Variants in NAV3 observed in about 807,000 individuals in gnomAD.
The protein encoded by NAV3 is neuron navigator 3, also known as pore membrane and/or filament interacting like protein 1.
A neutral mutation model predicts 244.7 loss-of-function variants in NAV3; 87 were observed. That is an observed-to-expected ratio of 0.36 (90% CI 0.30 to 0.42). NAV3 has a LOEUF of 0.42. Ranked by LOEUF, NAV3 falls within the 20% of genes least tolerant of loss-of-function variation. The pLI is 1.00. For synonymous variants in NAV3, 1,126 were observed against 1,042.2 expected (o/e 1.08, Z -1.55); for missense variants, 2,663 against 2,893.3 (o/e 0.92, Z 1.83).
At chr12:77,782,560 C>T (rs934069292) in intron 2 of NAV3, among the ~76,000 whole-genome samples, 11 of 150,260 alleles carry the variant, frequency 7.3e-5, no homozygotes, top group South Asian at 2.1e-4. Context: ...CTGGGGAGAA[C>T]TTGGATTCCC....
chr12:78,077,907 C>G (rs1222436910), intron 12 of NAV3, among the ~76,000 whole-genome samples: 1 of 152,118 alleles, frequency 6.6e-6, no homozygotes, highest in East Asian at 1.9e-4. Flanking sequence ...CTTTGCACTC[C>G]CAGCCTGGGC....
intron 2 of NAV3, among the ~76,000 whole-genome samples, chr12:77,612,746 G>A (rs2136826541): frequency 6.6e-6 from 1 of 152,192 alleles, no homozygotes; most frequent in East Asian, 1.9e-4. Context: ...AACCCCTTCA[G>A]TAAGAAAAGT....
chr12:77,585,786 G>A (rs75090916), intron 2 of NAV3, among the ~76,000 whole-genome samples: 1,819 of 152,182 alleles, frequency 0.012, 38 homozygotes, highest in African/African-American at 0.042. Flanking sequence ...CCAGCCTGGG[G>A]GTTGGGCACC....
chr12:77,755,181 G>A (rs1224735895), intron 2 of NAV3, among the ~76,000 whole-genome samples: 1 of 151,660 alleles, frequency 6.6e-6, no homozygotes. Context: ...AACCACTTAT[G>A]CTTACTGTTT....
intron 2 of NAV3, among the ~76,000 whole-genome samples, chr12:77,684,204 A>G (rs1175923609): frequency 6.6e-6 from 1 of 152,158 alleles, no homozygotes; most frequent in Non-Finnish European, 1.5e-5. Context: ...GCATGTTTTT[A>G]TGTGTTTATT....
intron 2 of NAV3, among the ~76,000 whole-genome samples, chr12:77,743,774 A>G (rs1034037658): frequency 1.3e-5 from 2 of 151,894 alleles, no homozygotes; most frequent in Non-Finnish European, 2.9e-5. Context: ...TATCTTATAA[A>G]TAAGAATAGG....
chr12:77,613,996 A>T (rs540603747), intron 2 of NAV3, among the ~76,000 whole-genome samples: 1 of 151,614 alleles, frequency 6.6e-6, no homozygotes, highest in East Asian at 1.9e-4. Context: ...GTCTTTCAAC[A>T]CATATGGATG....
chr12:78,078,553 G>A (rs1022567778), intron 12 of NAV3, among the ~76,000 whole-genome samples: 1 of 151,104 alleles, frequency 6.6e-6, no homozygotes, highest in African/African-American at 2.4e-5. Flanking sequence ...CCGCCACTAC[G>A]CCCGGCTAAT....
At chr12:78,192,533 G>A (rs1223211978) in intron 34 of NAV3, among the ~76,000 whole-genome samples, 1 of 151,778 alleles carries the variant, frequency 6.6e-6, no homozygotes, top group East Asian at 1.9e-4. Flanking sequence ...AGCCTCCTGA[G>A]TAGCTGAGAC....
chr12:77,995,931 C>G (rs887731843), intron 6 of NAV3, among the ~76,000 whole-genome samples: 1 of 152,060 alleles, frequency 6.6e-6, no homozygotes. Context: ...TCTCTCCTCT[C>G]TGCTTCATCT....
intron 2 of NAV3, among the ~76,000 whole-genome samples, chr12:77,696,095 C>T (rs1033836773): frequency 4.6e-5 from 7 of 152,094 alleles, no homozygotes; most frequent in Non-Finnish European, 1.0e-4. Context: ...CTAATTCAAT[C>T]ACACTGAGAT....
intron 2 of NAV3, among the ~76,000 whole-genome samples, chr12:77,576,485 C>G (rs1416000183): frequency 1.3e-5 from 2 of 152,120 alleles, no homozygotes; most frequent in Non-Finnish European, 2.9e-5. Context: ...CTGGAAACAT[C>G]ACCCACTTAC....
intron 2 of NAV3, among the ~76,000 whole-genome samples, chr12:77,659,094 C>T (rs1268390914): frequency 6.6e-6 from 1 of 151,660 alleles, no homozygotes; most frequent in Non-Finnish European, 1.5e-5. Context: ...GCAACAAAAG[C>T]CAAAATTGAC....
intron 3 of NAV3, among the ~76,000 whole-genome samples, chr12:77,960,357 TA>T (rs1891773920): frequency 6.6e-6 from 1 of 151,770 alleles, no homozygotes; most frequent in Non-Finnish European, 1.5e-5. Flanking sequence ...ATAGATCACC[TA>T]AGTCATACAT....
At chr12:78,097,739 A>G (rs2138149586) in intron 12 of NAV3, among the ~76,000 whole-genome samples, 1 of 152,302 alleles carries the variant, frequency 6.6e-6, no homozygotes, top group South Asian at 2.1e-4. Context: ...TTCAAGTAAG[A>G]TAAAACAGAA....
chr12:78,112,195 A>G (rs1955129780), intron 12 of NAV3, among the ~76,000 whole-genome samples: 1 of 152,212 alleles, frequency 6.6e-6, no homozygotes, highest in South Asian at 2.1e-4. Context: ...GCTAGATAAT[A>G]GAAAAGAATC....
intron 1 of NAV3, among the ~76,000 whole-genome samples, chr12:77,839,313 T>C (rs1875211691): frequency 6.6e-6 from 1 of 152,234 alleles, no homozygotes; most frequent in Non-Finnish European, 1.5e-5. Flanking sequence ...ATAATAATTT[T>C]CTTCACCATA....
intron 2 of NAV3, among the ~76,000 whole-genome samples, chr12:77,679,488 T>C (rs111836457): frequency 7.2e-5 from 11 of 152,082 alleles, no homozygotes; most frequent in African/African-American, 2.7e-4. Flanking sequence ...TTTGCTTCAC[T>C]TGTAGCAGGG....
At chr12:78,101,178 A>G (rs1227525398) in intron 12 of NAV3, among the ~76,000 whole-genome samples, 1 of 152,220 alleles carries the variant, frequency 6.6e-6, no homozygotes, top group African/African-American at 2.4e-5. Flanking sequence ...CCAAATGCCA[A>G]TCTTGGGCAG....
Sources: gnomAD v4.1 joint callset for allele counts (sites outside exome capture counted in the v4.1 genomes callset) on GRCh38, gnomAD v4.1.1 for gene constraint, MANE v1.5 for transcripts, NCBI Gene and HGNC (gene_info 2026-07-23, HGNC 2026-07-21) for gene names.